The following YAF2 variants were observed in gnomAD, a reference collection of about 807,000 sequenced individuals.
YAF2 encodes the protein YY1 associated factor 2, also known as YY1-associated factor 2.
A neutral mutation model predicts 20.1 loss-of-function variants in YAF2; 7 were observed. The ratio of observed to expected loss-of-function variants is 0.35; its 90% CI spans 0.20 to 0.65. YAF2 has a LOEUF of 0.65. Ranked by LOEUF, YAF2 falls within the 30% of genes least tolerant of loss-of-function variation. YAF2 has a pLI of 0.69. For synonymous variants in YAF2, 74 were observed against 76.0 expected, an observed-to-expected ratio of 0.97 and a Z score of 0.14; for missense variants, 151 against 219.2, an observed-to-expected ratio of 0.69 and a Z score of 1.96.
At chr12:42,230,457 G>A (rs991851931) in intron 2 of YAF2, among the ~76,000 whole-genome samples, 3 of 152,076 alleles carry the variant, frequency 2.0e-5, no homozygotes, top group Admixed American at 1.3e-4. Flanking sequence ...CCTTTATTCA[G>A]CAGCCACTAA....
chr12:42,185,176 G>A (rs61940204), intron 2 of YAF2, among the ~76,000 whole-genome samples: 28,563 of 151,674 alleles, frequency 0.19, 3,185 homozygotes, highest in Admixed American at 0.25. Context: ...AGACTTTGTC[G>A]CAAACAAACA....
At chr12:42,234,334 T>C (rs893088566) in intron 2 of YAF2, 9 of 985,360 alleles carry the variant, frequency 9.1e-6, no homozygotes, top group Non-Finnish European at 1.1e-5. Flanking sequence ...GTTTGACATT[T>C]ACTACTGTTT....
intron 2 of YAF2, among the ~76,000 whole-genome samples, chr12:42,208,166 G>GC (rs1401882430): frequency 1.3e-5 from 2 of 152,110 alleles, no homozygotes; most frequent in African/African-American, 2.4e-5. Flanking sequence ...CATGGCTCAT[G>GC]CCTGTAATCC....
intron 2 of YAF2, among the ~76,000 whole-genome samples, chr12:42,188,322 C>T (rs1160164618): frequency 6.7e-6 from 1 of 149,450 alleles, no homozygotes; most frequent in African/African-American, 2.5e-5. Flanking sequence ...TTTCTAAGAT[C>T]ATTTAATTAT....
At chr12:42,187,276 C>G (rs1185352947) in intron 2 of YAF2, among the ~76,000 whole-genome samples, 1 of 152,136 alleles carries the variant, frequency 6.6e-6, no homozygotes, top group East Asian at 1.9e-4. Flanking sequence ...CCCACCTCAG[C>G]CTTCCAAATA....
At chr12:42,219,393 T>C (rs1424311615) in intron 2 of YAF2, among the ~76,000 whole-genome samples, 1 of 152,194 alleles carries the variant, frequency 6.6e-6, no homozygotes, top group Non-Finnish European at 1.5e-5. Flanking sequence ...ATGAGCTGTA[T>C]GGTTGAAGGA....
intron 2 of YAF2, among the ~76,000 whole-genome samples, chr12:42,209,002 T>C (rs752357023): frequency 2.0e-4 from 30 of 152,090 alleles, no homozygotes; most frequent in Non-Finnish European, 4.1e-4. Flanking sequence ...CTAGTAATAA[T>C]ACAAAATGAG....
intron 2 of YAF2, chr12:42,210,746 A>C: frequency 7.0e-7 from 1 of 1,419,354 alleles, no homozygotes; most frequent in Non-Finnish European, 9.4e-7. Flanking sequence ...CTACAGAAGA[A>C]AGCATAAATT....
intron 2 of YAF2, among the ~76,000 whole-genome samples, chr12:42,171,547 T>C (rs768899741): frequency 2.0e-5 from 3 of 152,042 alleles, no homozygotes; most frequent in Non-Finnish European, 2.9e-5. Flanking sequence ...ATGTTACTTG[T>C]AGAATTACTT....
chr12:42,183,907 G>T (rs1268513152), intron 2 of YAF2, among the ~76,000 whole-genome samples: 1 of 152,236 alleles, frequency 6.6e-6, no homozygotes, highest in Admixed American at 6.5e-5. Context: ...GGCTAATGCA[G>T]TTGGTAACTT....
chr12:42,182,806 C>A (rs11181371), intron 2 of YAF2, among the ~76,000 whole-genome samples: 2,435 of 152,266 alleles, frequency 0.016, 34 homozygotes, highest in Non-Finnish European at 0.024. Context: ...CCTAAATGAT[C>A]ATATATAATT....
In YAF2 at chr12:42,196,227, GAAAAAAAA is replaced by G. The variant is rs34267272; in HGVS notation, c.153-34470_153-34463del. ...GGGCGACAGAGCAAGAATCCATCTG[GAAAAAAAA>G]AAAAAAAAAAAAAAAAGAGCGGGAG... On this transcript the variant is annotated intron_variant, in intron 2 of 3. Coordinates refer to ENST00000534854, the MANE Select transcript of YAF2 (RefSeq NM_005748.6). Among the ~76,000 whole-genome samples the G allele has an allele frequency of 9.2e-3, 685 of 74,522 alleles. 2 individuals are homozygous for G. The highest frequency in any genetic ancestry group is 0.017 in the Admixed American group (96 of 5,712). 48.9% of individuals were successfully genotyped at this position (74,522 alleles called of 152,430 possible).
At chr12:42,221,340 A>G (rs576410052) in intron 2 of YAF2, among the ~76,000 whole-genome samples, 2 of 152,312 alleles carry the variant, frequency 1.3e-5, no homozygotes, top group African/African-American at 4.8e-5. Flanking sequence ...TGGGAGGCTG[A>G]GGCAGGAGGG....
At chr12:42,205,876 A>G (rs778986773) in intron 2 of YAF2, 22 of 417,566 alleles carry the variant, frequency 5.3e-5, no homozygotes, top group Non-Finnish European at 1.4e-5. Context: ...TTGATACAAC[A>G]CTTTTGTTGT....
intron 2 of YAF2, chr12:42,235,522 T>C: frequency 3.0e-6 from 4 of 1,313,392 alleles, no homozygotes; most frequent in Non-Finnish European, 2.9e-6. Flanking sequence ...AAATTAGAGC[T>C]CTTAGGTTTA....
At chr12:42,238,127 C>T in intron 1 of YAF2, 28 bp downstream of exon 1, 2 of 1,529,638 alleles carry the variant, frequency 1.3e-6, no homozygotes, top group African/African-American at 1.4e-5. Context: ...CCCGCACAGT[C>T]CGGGCCCCGG....
intron 2 of YAF2, among the ~76,000 whole-genome samples, chr12:42,206,253 G>T (rs2067036964): frequency 6.9e-6 from 1 of 143,982 alleles, no homozygotes. Context: ...TATTGTTTCT[G>T]AAGTAACTGT....
intron 2 of YAF2, among the ~76,000 whole-genome samples, chr12:42,175,740 C>CAAAAAAAAAAAAAAAAAA (rs59476115): frequency 3.6e-4 from 16 of 45,004 alleles, no homozygotes; most frequent in Admixed American, 6.6e-4. Context: ...GACTCTGTCT[C>CAAAAAAAAAAAAAAAAAA]AAAAAAAAAA....
At chr12:42,208,267 T>C (rs139659331) in intron 2 of YAF2, among the ~76,000 whole-genome samples, 2 of 151,830 alleles carry the variant, frequency 1.3e-5, no homozygotes, top group African/African-American at 4.8e-5. Context: ...CTACTAAATA[T>C]ACAAAAAAGC....
Sources: gnomAD v4.1 joint callset for allele counts (sites outside exome capture counted in the v4.1 genomes callset) on GRCh38, gnomAD v4.1.1 for gene constraint, MANE v1.5 for transcripts, NCBI Gene and HGNC (gene_info 2026-07-23, HGNC 2026-07-21) for gene names.